Variants in NEURL1B observed in about 807,000 individuals in gnomAD.
The protein encoded by NEURL1B is neuralized E3 ubiquitin protein ligase 1B.
NEURL1B carries 13 observed loss-of-function variants against 37.4 expected under a neutral mutation model. The observed-to-expected ratio is 0.35, with a 90% CI of 0.23 to 0.55. The LOEUF (loss-of-function observed/expected upper bound fraction) is 0.55, where lower values mean the gene tolerates loss of function less well. Among genes scored for constraint, NEURL1B ranks in the 20% least tolerant of loss-of-function variants. The probability of loss-of-function intolerance (pLI) is 0.89; values close to 1 mark genes in which losing one functional copy is unlikely to be tolerated. For synonymous variants in NEURL1B, 432 were observed against 426.6 expected (o/e 1.01, Z -0.16); for missense variants, 790 against 879.2 (o/e 0.90, Z 1.28).
At chr5:172,668,864 T>C (rs10065159) in intron 1 of NEURL1B, among the ~76,000 whole-genome samples, 116,963 of 152,056 alleles carry the variant, frequency 0.77, 45,920 homozygotes, top group African/African-American at 0.94. Context: ...GGCTTTGTGA[T>C]CAGATCCTTT....
chr5:172,642,501 G>A (rs1757484818), intron 1 of NEURL1B, among the ~76,000 whole-genome samples: 2 of 152,208 alleles, frequency 1.3e-5, no homozygotes, highest in African/African-American at 4.8e-5. Context: ...CAGCTGTGAG[G>A]TTAATTTAGT....
At position 172,683,721 on chromosome 5, in the gene NEURL1B, G is replaced by A; in HGVS notation, c.880G>A (p.Ala294Thr). 1.5e-6 allele frequency: 2 copies of A among 1,357,050 alleles called. No individual in the cohort carries two copies. The highest frequency in any genetic ancestry group is 1.9e-6 in the Non-Finnish European group (2 of 1,046,800). The allele number at this position is 1,357,050 out of a possible 1,614,324, so 84.1% of individuals were successfully genotyped here. A position where few individuals can be genotyped will look rare whatever the true frequency, so the allele number is the denominator to read the frequency against. The change falls in exon 3 of 5, where the codon GCC becomes ACC. Residue 294 changes from alanine to threonine, a missense_variant. Ala to Thr is a moderately conservative substitution (Grantham distance 58). This residue lies in a region of NEURL1B where 460 missense variants were observed against 407.4 expected (regional missense o/e 1.13). Transcript: ENST00000369800. The surrounding 1 kb of genome is among the most constrained non-coding windows in gnomAD (Gnocchi z 5.6). ...ACGCGGGCCCGACGTGAGCCTGTCG[G>A]CCGACCGCAAAGTGGCCTGCGCACC... ...ATRGPDVSLSADRKVACAPRP... is the reference protein window; with the variant it reads ...ATRGPDVSLSTDRKVACAPRP...
At chr5:172,659,501 G>A (rs1757856075) in intron 1 of NEURL1B, among the ~76,000 whole-genome samples, 1 of 152,202 alleles carries the variant, frequency 6.6e-6, no homozygotes, top group African/African-American at 2.4e-5. Context: ...TCAGCCGTTG[G>A]AAGAGACATT....
In NEURL1B at chr5:172,688,017, A is replaced by G. The variant is rs1758548702; in HGVS notation, c.*1092A>G. 1 of 152,672 alleles carries G rather than the reference A, an allele frequency of 6.5e-6. No individual in the cohort carries two copies. The highest frequency in any genetic ancestry group is 1.5e-5 in the Non-Finnish European group (1 of 68,052). The allele number at this position is 152,672 out of a possible 1,614,324, so 9.5% of individuals were successfully genotyped here. On this transcript the variant is annotated 3_prime_UTR_variant, in exon 5 of 5. Transcript: ENST00000369800. This position sits in a 1 kb window ranked among gnomAD's most constrained non-coding sequence, Gnocchi z 4.3. Reference sequence around the variant, plus strand: ...GCTGGTTACTAAAGTGTTCACTGATAAGTATGTTAACTAATGATCGAGACA... The same window carrying G: ...GCTGGTTACTAAAGTGTTCACTGATGAGTATGTTAACTAATGATCGAGACA...
At position 172,669,856 on chromosome 5, in the gene NEURL1B, C is replaced by A; in HGVS notation, c.103C>A (p.Leu35Met). The A allele has an allele frequency of 7.2e-7, 1 of 1,387,410 alleles. No individual in the cohort carries two copies. The highest frequency in any genetic ancestry group is 3.8e-5 in the Admixed American group (1 of 26,308). The allele number at this position is 1,387,410 out of a possible 1,614,324, so 85.9% of individuals were successfully genotyped here. The change falls in exon 2 of 5, where the codon CTG becomes ATG. Residue 35 changes from leucine (L) to methionine (M), a missense_variant. Transcript: ENST00000369800. Reference protein sequence around the residue: ...CGPGPERRPVLGEAPRFHAQA... With the variant: ...CGPGPERRPVMGEAPRFHAQA... Reference sequence around the variant, plus strand: ...CCCCGGCCCCGAGCGACGCCCGGTCCTGGGCGAGGCGCCGCGCTTCCACGC... The same window carrying A: ...CCCCGGCCCCGAGCGACGCCCGGTCATGGGCGAGGCGCCGCGCTTCCACGC...
In NEURL1B at chr5:172,683,843, G is replaced by A. The variant is rs1254675198; in HGVS notation, c.1002G>A (p.Ala334=). The A allele has an allele frequency of 3.0e-6, 4 of 1,329,186 alleles. No homozygotes were observed. Among genetic ancestry groups the A allele is most frequent in the South Asian group, 1.7e-5 (1 of 58,754 alleles). The allele number at this position is 1,329,186 out of a possible 1,614,324, so 82.3% of individuals were successfully genotyped here. Residue 334 remains alanine, a synonymous_variant, in exon 3 of 5, where the codon GCG becomes GCA. Coordinates refer to ENST00000369800, the MANE Select transcript of NEURL1B (RefSeq NM_001142651.3). The surrounding 1 kb of genome is among the most constrained non-coding windows in gnomAD (Gnocchi z 5.6). The part of the protein sequence containing the change: ...FVEVGRPGLA[A]PGALAFGITS... ...AGGTGGGCCGTCCGGGGCTGGCGGC[G>A]CCCGGCGCGCTGGCCTTCGGCATCA...
chr5:172,685,829 G>C (rs576186792), intron 3 of NEURL1B, among the ~76,000 whole-genome samples: 4 of 152,136 alleles, frequency 2.6e-5, no homozygotes, highest in Non-Finnish European at 5.9e-5. Context: ...ATTGGGTCTC[G>C]GGCCTTACGG....
chr5:172,654,847 C>T (rs1757736097), intron 1 of NEURL1B, among the ~76,000 whole-genome samples: 1 of 152,046 alleles, frequency 6.6e-6, no homozygotes, highest in Admixed American at 6.6e-5. Context: ...CGGAGAAGAC[C>T]TTTAATTATC....
In NEURL1B at chr5:172,686,907, T is replaced by G. The variant is rs1028218469; in HGVS notation, c.1650T>G (p.Ile550Met). ...PICRRPIKDVIKIYRP is the reference protein window; with the variant it reads ...PICRRPIKDVMKIYRP ...GCCGGCGGCCCATCAAGGACGTCAT[T>G]AAGATCTACAGGCCATAGCCTAGCC... The change falls in exon 5 of 5, where the codon ATT becomes ATG. Residue 550 changes from isoleucine to methionine, a missense_variant. Physicochemically the swap from Ile to Met is conservative, Grantham distance 10. This residue lies in a region of NEURL1B where 115 missense variants were observed against 162.6 expected (regional missense o/e 0.71). Coordinates refer to ENST00000369800, the MANE Select transcript of NEURL1B (RefSeq NM_001142651.3). This position sits in a 1 kb window ranked among gnomAD's most constrained non-coding sequence, Gnocchi z 7.9. 7.7e-6 allele frequency: 12 copies of G among 1,549,690 alleles called. No individual in the cohort carries two copies. The highest frequency in any genetic ancestry group is 1.7e-4 in the Middle Eastern group (1 of 5,988).
Position 172,665,331 on chromosome 5 carries a change from T to G in NEURL1B, c.32-4454T>G, listed in dbSNP as rs1002829654. On this transcript the variant is annotated intron_variant, in intron 1 of 4. Coordinates refer to ENST00000369800, the MANE Select transcript of NEURL1B (RefSeq NM_001142651.3). This position sits in a 1 kb window ranked among gnomAD's most constrained non-coding sequence, Gnocchi z 4.1. ...GCACAGGCTTCTGCTGTCCCTGAGC[T>G]ATCTCTGCCGATGGTCTGCACCCGG... Among the ~76,000 whole-genome samples, 2 of 152,306 alleles carry G rather than the reference T, an allele frequency of 1.3e-5. No individual in the cohort carries two copies. The highest frequency in any genetic ancestry group is 2.9e-5 in the Non-Finnish European group (2 of 68,030).
At chr5:172,672,857 T>C (rs988016418) in intron 2 of NEURL1B, among the ~76,000 whole-genome samples, 8 of 152,294 alleles carry the variant, frequency 5.3e-5, no homozygotes, top group Middle Eastern at 3.4e-3. Flanking sequence ...GATGAGATAA[T>C]GGGTGAATTT....
chr5:172,689,226 AGCGTTACTCAGT>A lies in NEURL1B; in HGVS notation c.*2304_*2315del, dbSNP rs1758579099. On this transcript the variant is annotated 3_prime_UTR_variant, in exon 5 of 5. Transcript: ENST00000369800. ...AAACCAGACGTTTCCTGATGCTCTG[AGCGTTACTCAGT>A]GCTACAGAGGAGATGCACACGTCCC... 1 of 152,210 alleles carries A rather than the reference AGCGTTACTCAGT, an allele frequency of 6.6e-6. No individual in the cohort carries two copies. Among genetic ancestry groups the A allele is most frequent in the Non-Finnish European group, 1.5e-5 (1 of 68,036 alleles). The allele number at this position is 152,210 out of a possible 1,614,324, so 9.4% of individuals were successfully genotyped here.
In NEURL1B at chr5:172,686,238, T is replaced by G; in HGVS notation, c.1365T>G (p.Ser455Arg). Residue 455 changes from serine (S) to arginine (R), a missense_variant, in exon 4 of 5, where the codon AGT (serine) becomes AGG (arginine). By Grantham distance (110) the Ser-to-Arg change is moderately radical. Coordinates refer to ENST00000369800, the MANE Select transcript of NEURL1B (RefSeq NM_001142651.3). This position sits in a 1 kb window ranked among gnomAD's most constrained non-coding sequence, Gnocchi z 7.9. ...SGSLSGSQDDSDSDMTFSVNQ... is the reference protein window; with the variant it reads ...SGSLSGSQDDRDSDMTFSVNQ... ...CCCTCAGCGGCTCCCAGGACGATAG[T>G]GATTCAGATATGACCTTCAGTGTCA... The G allele has an allele frequency of 6.4e-7, 1 of 1,551,680 alleles. No individual in the cohort carries two copies. Among genetic ancestry groups the G allele is most frequent in the South Asian group, 1.2e-5 (1 of 84,064 alleles).
In NEURL1B at chr5:172,641,720, GC is replaced by G. The variant is rs946785288; in HGVS notation, c.31+288del. The stretch of plus-strand genomic sequence containing the variant: ...AAGGGCCGCTGGGGCGATGCCGCGC[GC>G]CCCCTCGCCTTTGTTCCAGCCCGAG... On this transcript the variant is annotated intron_variant, in intron 1 of 4. Transcript: ENST00000369800. This position sits in a 1 kb window ranked among gnomAD's most constrained non-coding sequence, Gnocchi z 6.4. Among the ~76,000 whole-genome samples the G allele has an allele frequency of 2.6e-5, 4 of 152,244 alleles. No individual in the cohort carries two copies. Among genetic ancestry groups the G allele is most frequent in the Non-Finnish European group, 5.9e-5 (4 of 68,036 alleles).
In NEURL1B at chr5:172,683,664, C is replaced by G; in HGVS notation, c.823C>G (p.Leu275Val). 3 of 1,297,402 alleles carry G rather than the reference C, an allele frequency of 2.3e-6. No individual in the cohort carries two copies. The highest frequency in any genetic ancestry group is 2.0e-6 in the Non-Finnish European group (2 of 1,014,734). The allele number at this position is 1,297,402 out of a possible 1,614,324, so 80.4% of individuals were successfully genotyped here. The change falls in exon 3 of 5, where the codon CTA (leucine) becomes GTA (valine). Residue 275 changes from leucine to valine, a missense_variant. By Grantham distance (32) the Leu-to-Val change is conservative. This residue lies in a region of NEURL1B where 460 missense variants were observed against 407.4 expected (regional missense o/e 1.13). Coordinates refer to ENST00000369800, the MANE Select transcript of NEURL1B (RefSeq NM_001142651.3). The surrounding 1 kb of genome is among the most constrained non-coding windows in gnomAD (Gnocchi z 5.6). ...ERPRPASSPA[L>V]LEADLRFHAT... is the part of the protein sequence containing the mutation. ...CCCGCGGCCCGCGTCGTCGCCGGCG[C>G]TACTGGAGGCCGACCTGCGCTTCCA...
intron 1 of NEURL1B, among the ~76,000 whole-genome samples, chr5:172,656,348 A>ATT (rs139451706): frequency 6.6e-6 from 1 of 152,114 alleles, no homozygotes; most frequent in African/African-American, 2.4e-5. Context: ...AGTTAAGTTT[A>ATT]TTTTTTATTT....
rs954104616 is a variant in NEURL1B, at chr5:172,644,862, G to A, written c.31+3425G>A. 3.3e-5 allele frequency among the ~76,000 whole-genome samples: 5 copies of A among 152,164 alleles called. No individual in the cohort carries two copies. In the South Asian group the frequency reaches 6.2e-4, roughly 19 times the overall value. On this transcript the variant is annotated intron_variant, in intron 1 of 4. Coordinates refer to ENST00000369800, the MANE Select transcript of NEURL1B (RefSeq NM_001142651.3). The stretch of plus-strand genomic sequence containing the variant: ...GCAGGTGGGGATAGGGGAGGGCAGC[G>A]TTCCAGGATGAGAGTGAGGGGAGGT...
At chr5:172,650,212 T>G (rs1161270862) in intron 1 of NEURL1B, among the ~76,000 whole-genome samples, 2 of 152,240 alleles carry the variant, frequency 1.3e-5, no homozygotes, top group Non-Finnish European at 2.9e-5. Context: ...CATTGCCAGG[T>G]CTGCCTGGTA....
chr5:172,678,129 C>G (rs1300447379), intron 2 of NEURL1B, among the ~76,000 whole-genome samples: 1 of 152,324 alleles, frequency 6.6e-6, no homozygotes, highest in South Asian at 2.1e-4. Context: ...CTGGCCACCC[C>G]TCGCCCTACC....
Sources: gnomAD v4.1 joint callset for allele counts (sites outside exome capture counted in the v4.1 genomes callset) on GRCh38, gnomAD v4.1.1 for gene constraint, gnomAD v4.1.1 regional missense constraint, Gnocchi (gnomAD v3.1) non-coding constraint, MANE v1.5 for transcripts, NCBI Gene and HGNC (gene_info 2026-07-23, HGNC 2026-07-21) for gene names.